The following STK3 variants were observed in gnomAD, a reference collection of about 807,000 sequenced individuals.
STK3 encodes the protein serine/threonine-protein kinase 3.
A neutral mutation model predicts 58.0 loss-of-function variants in STK3; 41 were observed. The ratio of observed to expected loss-of-function variants is 0.71; its 90% CI spans 0.55 to 0.92. The LOEUF (loss-of-function observed/expected upper bound fraction) is 0.92. Ranked by LOEUF, STK3 falls within the 40% of genes least tolerant of loss-of-function variation. The pLI is 0.00. For missense variants in STK3, 479 were observed against 602.7 expected, an observed-to-expected ratio of 0.79 and a Z score of 2.15; for synonymous variants, 170 against 191.0, an observed-to-expected ratio of 0.89 and a Z score of 0.91.
At chr8:98,883,528 C>T, downstream of STK3, 2 of 588,724 alleles carry the variant, frequency 3.4e-6, no homozygotes, top group Non-Finnish European at 6.1e-6. Flanking sequence ...CCAAGTAACA[C>T]ATCAATTTAA....
intron 4 of STK3, among the ~76,000 whole-genome samples, chr8:98,738,128 G>A (rs1828777787): frequency 6.6e-6 from 1 of 152,332 alleles, no homozygotes; most frequent in East Asian, 1.9e-4. Flanking sequence ...TGAGTTAAAT[G>A]TAATTCCAAT....
intron 6 of STK3, chr8:98,638,708 C>G (rs1287694853): frequency 6.6e-6 from 1 of 152,382 alleles, no homozygotes; most frequent in African/African-American, 2.4e-5. Flanking sequence ...ACTGAGACCA[C>G]TAAGAGGCAA....
intron 10 of STK3, among the ~76,000 whole-genome samples, chr8:98,480,204 T>C (rs1392859356): frequency 6.6e-6 from 1 of 152,012 alleles, no homozygotes; most frequent in Non-Finnish European, 1.5e-5. Context: ...AAGAAGCTCA[T>C]GAACTGTAAA....
intron 7 of STK3, among the ~76,000 whole-genome samples, chr8:98,594,571 G>A (rs1815637343): frequency 6.6e-6 from 1 of 151,886 alleles, no homozygotes; most frequent in Non-Finnish European, 1.5e-5. Flanking sequence ...ACTCTAGCCT[G>A]GGTGACAGAG....
At position 98,455,730 on chromosome 8, in the gene STK3, C is replaced by G; in HGVS notation, c.*112G>C. On this transcript the variant is annotated 3_prime_UTR_variant, in exon 11 of 11. Coordinates refer to ENST00000419617, the MANE Select transcript of STK3 (RefSeq NM_006281.4). ...GGCATGTACCATTGTCACTTTTTGA[C>G]CTCTGCCTAATTGTAGGGCAAAATC... 8.2e-6 allele frequency: 11 copies of G among 1,341,598 alleles called. No homozygotes were observed. The South Asian group carries it at 1.5e-4, about 18-fold the overall frequency. 83.1% of individuals were successfully genotyped at this position (1,341,598 alleles called of 1,614,324 possible).
chr8:98,903,581 T>G (rs1326496463), intron 1 of STK3, among the ~76,000 whole-genome samples: 1 of 147,686 alleles, frequency 6.8e-6, no homozygotes. Context: ...AAGTGGGGCC[T>G]TGCTCTGTCA....
intron 1 of STK3, among the ~76,000 whole-genome samples, chr8:98,897,622 G>C (rs2131943939): frequency 6.6e-6 from 1 of 152,118 alleles, no homozygotes; most frequent in African/African-American, 2.4e-5. Context: ...CAAAAAAAAA[G>C]TCTTTTTATC....
At chr8:98,732,428 G>C (rs1049815208) in intron 4 of STK3, among the ~76,000 whole-genome samples, 11 of 152,274 alleles carry the variant, frequency 7.2e-5, no homozygotes, top group Admixed American at 4.6e-4. Flanking sequence ...AGCAACACTA[G>C]ATGTTAGAAG....
In STK3 at chr8:98,596,098, G is replaced by T. The variant is rs149198380; in HGVS notation, c.756C>A (p.Thr252=). Residue 252 remains threonine (T), a synonymous_variant, in exon 7 of 11, where the codon ACC becomes ACA. Coordinates refer to ENST00000419617, the MANE Select transcript of STK3 (RefSeq NM_006281.4). ...RKPELWSDDF[T]DFVKKCLVKN... is the part of the protein sequence containing the mutation. ...TCACCAAACACTTTTTAACAAAATC[G>T]GTGAAATCATCGGACCAAAGTTCTG... is the stretch of plus-strand genomic sequence containing the variant. 4.3e-6 allele frequency: 7 copies of T among 1,613,132 alleles called. No individual in the cohort carries two copies. Among genetic ancestry groups the T allele is most frequent in the Non-Finnish European group, 5.1e-6 (6 of 1,179,554 alleles).
At chr8:98,653,073 T>A (rs1273902159) in intron 6 of STK3, among the ~76,000 whole-genome samples, 4 of 152,126 alleles carry the variant, frequency 2.6e-5, no homozygotes, top group Non-Finnish European at 4.4e-5. Flanking sequence ...ACTGACCACA[T>A]AGCTGGAAGT....
At chr8:98,932,451 A>G (rs1840034512) in intron 1 of STK3, among the ~76,000 whole-genome samples, 2 of 152,242 alleles carry the variant, frequency 1.3e-5, no homozygotes, top group African/African-American at 4.8e-5. Flanking sequence ...AACCAGGGAA[A>G]CAGTACTCCC....
In STK3 at chr8:98,864,882, C is replaced by T. The variant is rs558513752; in HGVS notation, c.110+18765G>A. The stretch of plus-strand genomic sequence containing the variant: ...GTGGTCCATATTGGCTGCTTCCACT[C>T]CTTCTATTACAGCTACATTTCAGTC... On this transcript the variant is annotated intron_variant, in intron 3 of 12. Coordinates refer to the STK3 transcript ENST00000523601. Among the ~76,000 whole-genome samples, 6 of 152,248 alleles carry T rather than the reference C, an allele frequency of 3.9e-5. No individual in the cohort carries two copies. The East Asian group carries it at 1.2e-3, about 29-fold the overall frequency.
intron 3 of STK3, among the ~76,000 whole-genome samples, chr8:98,859,670 T>C (rs1345195787): frequency 6.6e-6 from 1 of 152,210 alleles, no homozygotes; most frequent in Non-Finnish European, 1.5e-5. Context: ...GAAGCATGAA[T>C]AGAAGGAGCT....
intron 10 of STK3, among the ~76,000 whole-genome samples, chr8:98,519,429 T>A (rs1825188219): frequency 2.6e-5 from 4 of 152,032 alleles, no homozygotes; most frequent in Admixed American, 2.6e-4. Flanking sequence ...AGTTTCTTTA[T>A]CACTCCTTCA....
intron 1 of STK3, among the ~76,000 whole-genome samples, chr8:98,793,323 T>C (rs551282468): frequency 4.7e-4 from 72 of 151,870 alleles, no homozygotes; most frequent in African/African-American, 1.4e-3. Context: ...CAATAACTTA[T>C]GGAAATTAAA....
Position 98,579,756 on chromosome 8 carries a change from T to G in STK3, c.856A>C (p.Ile286Leu), listed in dbSNP as rs770905353. The G allele has an allele frequency of 6.3e-7, 1 of 1,597,770 alleles. No homozygotes were observed. The highest frequency in any genetic ancestry group is 8.5e-7 in the Non-Finnish European group (1 of 1,175,400). The change falls in exon 8 of 11, where the codon ATA becomes CTA. Residue 286 changes from isoleucine (I) to leucine (L), a missense_variant. Ile to Leu is a conservative substitution (Grantham distance 5). This residue lies in a region of STK3 where 309 missense variants were observed against 355.7 expected (regional missense o/e 0.87). Coordinates refer to ENST00000419617, the MANE Select transcript of STK3 (RefSeq NM_006281.4). ...PFIKNAKPVS[I>L]LRDLITEAME... ...GCTTCTGTGATCAGGTCTCTTAATATTGATACAGGTTTGGCATTCTTGATA... is the reference window on the plus strand; with the variant it reads ...GCTTCTGTGATCAGGTCTCTTAATAGTGATACAGGTTTGGCATTCTTGATA...
At chr8:98,862,969 A>T (rs1836989381) in intron 3 of STK3, among the ~76,000 whole-genome samples, 1 of 152,228 alleles carries the variant, frequency 6.6e-6, no homozygotes, top group African/African-American at 2.4e-5. Context: ...GCACTCCCAA[A>T]CATACCAGAC....
chr8:98,643,060 C>T (rs1820141598), intron 6 of STK3, among the ~76,000 whole-genome samples: 1 of 151,974 alleles, frequency 6.6e-6, no homozygotes, highest in South Asian at 2.1e-4. Context: ...CTCACCTCTA[C>T]AAAAATATTT....
chr8:98,587,547 T>C (rs1419423949), intron 7 of STK3, among the ~76,000 whole-genome samples: 1 of 152,106 alleles, frequency 6.6e-6, no homozygotes, highest in East Asian at 1.9e-4. Flanking sequence ...ATAGGAGTGG[T>C]GTGGTGCTGA....
Sources: gnomAD v4.1 joint callset for allele counts (sites outside exome capture counted in the v4.1 genomes callset) on GRCh38, gnomAD v4.1.1 for gene constraint, gnomAD v4.1.1 regional missense constraint, MANE v1.5 for transcripts, NCBI Gene and HGNC (gene_info 2026-07-23, HGNC 2026-07-21) for gene names.